RBFOX1: variants seen among roughly 807,000 people sequenced by gnomAD.
RBFOX1 encodes RNA binding fox-1 homolog 1.
A neutral mutation model predicts 57.7 loss-of-function variants in RBFOX1; 8 were observed. That is an observed-to-expected ratio of 0.14 (90% CI 0.08 to 0.25). The LOEUF (loss-of-function observed/expected upper bound fraction) is 0.25, where lower values mean the gene tolerates loss of function less well. Among genes scored for constraint, RBFOX1 ranks in the 10% least tolerant of loss-of-function variants. The probability of loss-of-function intolerance (pLI) is 1.00; values close to 1 mark genes in which losing one functional copy is unlikely to be tolerated. For missense variants in RBFOX1, 611 were observed against 548.5 expected (o/e 1.11, Z -1.14); for synonymous variants, 326 against 222.4 (o/e 1.47, Z -4.15).
At chr16:5,712,471 C>G (rs906758276) in intron 3 of RBFOX1, among the ~76,000 whole-genome samples, 1 of 152,220 alleles carries the variant, frequency 6.6e-6, no homozygotes, top group Non-Finnish European at 1.5e-5. Flanking sequence ...GGCTTTCACG[C>G]ATGCTGATGA....
At chr16:5,777,536 A>G in intron 3 of RBFOX1, among the ~76,000 whole-genome samples, 1 of 152,176 alleles carries the variant, frequency 6.6e-6, no homozygotes. Context: ...AGTTGCATTG[A>G]CTTGGATGGA....
At chr16:5,793,571 C>T (rs2054775833) in intron 3 of RBFOX1, among the ~76,000 whole-genome samples, 2 of 152,182 alleles carry the variant, frequency 1.3e-5, no homozygotes, top group Non-Finnish European at 2.9e-5. Context: ...CCTCCCTCTT[C>T]AGCCCCCAGG....
At chr16:6,839,979 G>A (rs183006781) in intron 3 of RBFOX1, among the ~76,000 whole-genome samples, 9 of 152,100 alleles carry the variant, frequency 5.9e-5, no homozygotes, top group African/African-American at 2.2e-4. Context: ...TTAAAATAAC[G>A]AAATATTTGG....
At chr16:6,434,343 G>A (rs2094177971) in intron 2 of RBFOX1, among the ~76,000 whole-genome samples, 2 of 152,088 alleles carry the variant, frequency 1.3e-5, no homozygotes, top group South Asian at 4.2e-4. Context: ...CAATGGCCAA[G>A]GCTTCCTTAC....
At chr16:5,650,430 G>C (rs1403592409) in intron 3 of RBFOX1, among the ~76,000 whole-genome samples, 1 of 152,150 alleles carries the variant, frequency 6.6e-6, no homozygotes, top group African/African-American at 2.4e-5. Flanking sequence ...GAGGCAACCT[G>C]GATGCCCAGT....
chr16:6,874,048 G>C (rs1387462692), intron 3 of RBFOX1: 1 of 152,132 alleles, frequency 6.6e-6, no homozygotes, highest in Non-Finnish European at 1.5e-5. Flanking sequence ...CTACCAAAAG[G>C]AAAAGAAGTC....
intron 1 of RBFOX1, among the ~76,000 whole-genome samples, chr16:6,105,683 A>T (rs1023152035): frequency 2.0e-5 from 3 of 150,108 alleles, no homozygotes; most frequent in African/African-American, 7.4e-5. Flanking sequence ...AAGTAGAAAA[A>T]AAATATATAT....
At chr16:7,019,300 T>A (rs926383850) in intron 3 of RBFOX1, among the ~76,000 whole-genome samples, 5 of 152,096 alleles carry the variant, frequency 3.3e-5, no homozygotes, top group Non-Finnish European at 5.9e-5. Flanking sequence ...ATGCTGATGT[T>A]TAGGATGAAA....
At chr16:7,393,661 T>G (rs1344111962) in intron 4 of RBFOX1, among the ~76,000 whole-genome samples, 4 of 152,140 alleles carry the variant, frequency 2.6e-5, no homozygotes, top group South Asian at 2.1e-4. Context: ...TAAGAAGATC[T>G]GGATTATTCA....
chr16:6,265,025 C>T (rs1382035572), intron 1 of RBFOX1, among the ~76,000 whole-genome samples: 2 of 152,252 alleles, frequency 1.3e-5, no homozygotes, highest in East Asian at 3.9e-4. Context: ...CACCCTATTT[C>T]CAATATTGTG....
At chr16:5,909,178 C>T (rs562830160) in intron 4 of RBFOX1, among the ~76,000 whole-genome samples, 11 of 148,468 alleles carry the variant, frequency 7.4e-5, no homozygotes, top group South Asian at 6.6e-4. Context: ...CTGCAAGCTC[C>T]GCCTCCCGGG....
intron 13 of RBFOX1, among the ~76,000 whole-genome samples, chr16:7,675,502 T>C (rs1224357459): frequency 6.6e-6 from 1 of 152,188 alleles, no homozygotes; most frequent in African/African-American, 2.4e-5. Flanking sequence ...GAATAAACTT[T>C]AAAAGATAAA....
chr16:5,909,437 A>G (rs1027495368), intron 4 of RBFOX1, among the ~76,000 whole-genome samples: 2 of 152,176 alleles, frequency 1.3e-5, no homozygotes, highest in African/African-American at 4.8e-5. Context: ...GAGAAGCCCA[A>G]TATTTAATAG....
intron 14 of RBFOX1, among the ~76,000 whole-genome samples, chr16:7,707,787 G>A (rs2082963597): frequency 6.6e-6 from 1 of 152,172 alleles, no homozygotes; most frequent in Non-Finnish European, 1.5e-5. Context: ...CATAGGATCA[G>A]GTCGCAGATA....
chr16:6,674,269 TC>T (rs1012992833), intron 3 of RBFOX1, among the ~76,000 whole-genome samples: 2 of 152,184 alleles, frequency 1.3e-5, no homozygotes, highest in African/African-American at 4.8e-5. Flanking sequence ...AATGACGTCA[TC>T]CTGGATTGGA....
chr16:7,212,310 T>C (rs1257259131), intron 4 of RBFOX1, among the ~76,000 whole-genome samples: 1 of 152,140 alleles, frequency 6.6e-6, no homozygotes, highest in Non-Finnish European at 1.5e-5. Context: ...GCTGTTCCAA[T>C]ATTGGGATGG....
chr16:5,392,853 C>G (rs1200558212), intron 1 of RBFOX1, among the ~76,000 whole-genome samples: 1 of 152,170 alleles, frequency 6.6e-6, no homozygotes, highest in Non-Finnish European at 1.5e-5. Context: ...CTCCTGTCTC[C>G]TCTGTCTGCA....
At chr16:5,912,191 C>T (rs1009561508) in intron 4 of RBFOX1, among the ~76,000 whole-genome samples, 1 of 152,090 alleles carries the variant, frequency 6.6e-6, no homozygotes, top group African/African-American at 2.4e-5. Flanking sequence ...CCTCTCTGAG[C>T]CTCAGTTTTT....
At chr16:6,317,115 G>T in intron 2 of RBFOX1, 58 bp downstream of exon 2, 1 of 1,445,546 alleles carries the variant, frequency 6.9e-7, no homozygotes, top group Non-Finnish European at 9.4e-7. Flanking sequence ...CTTTGATCCT[G>T]TTCTCTCTGA....
Sources: gnomAD v4.1 joint callset for allele counts (sites outside exome capture counted in the v4.1 genomes callset) on GRCh38, gnomAD v4.1.1 for gene constraint, MANE v1.5 for transcripts, NCBI Gene and HGNC (gene_info 2026-07-23, HGNC 2026-07-21) for gene names.